The following TUBA1B variants were observed in gnomAD, a reference collection of about 807,000 sequenced individuals.
TUBA1B encodes the protein tubulin alpha 1b, also known as tubulin alpha-1B chain.
Under a neutral mutation model 34.4 loss-of-function variants are expected in TUBA1B, and 1 was observed. The observed-to-expected ratio is 0.03, with a 90% CI of 0.01 to 0.14. The LOEUF (loss-of-function observed/expected upper bound fraction) is 0.14. Among genes scored for constraint, TUBA1B ranks in the 10% least tolerant of loss-of-function variants. The probability of loss-of-function intolerance (pLI) is 1.00; values close to 1 mark genes in which losing one functional copy is unlikely to be tolerated. For missense variants in TUBA1B, 54 were observed against 583.6 expected, an observed-to-expected ratio of 0.09 and a Z score of 9.35; for synonymous variants, 197 against 212.5, an observed-to-expected ratio of 0.93 and a Z score of 0.64.
chr12:49,128,753 G>A lies in TUBA1B; in HGVS notation c.561C>T (p.Ser187=). The A allele has an allele frequency of 6.2e-7, 1 of 1,612,532 alleles. No homozygotes were observed. Among genetic ancestry groups the A allele is most frequent in the Non-Finnish European group, 8.5e-7 (1 of 1,179,506 alleles). ...VSTAVVEPYN[S]ILTTHTTLEH... is the part of the protein sequence containing the mutation. ...CCAGGGTGGTGTGGGTGGTGAGGAT[G>A]GAGTTGTAGGGCTCAACTACAGCTG... The change falls in exon 4 of 4, where the codon TCC becomes TCT. Residue 187 remains serine (S), a synonymous_variant. Transcript: ENST00000336023. This position sits in a 1 kb window ranked among gnomAD's most constrained non-coding sequence, Gnocchi z 8.1.
At chr12:49,130,288 C>A in intron 1 of TUBA1B, 1 of 1,289,226 alleles carries the variant, frequency 7.8e-7, no homozygotes, top group Non-Finnish European at 1.0e-6. Flanking sequence ...GCACAGGAAG[C>A]ACGTGGCCAG....
At position 49,131,383 on chromosome 12, in the gene TUBA1B, T is replaced by C. The variant is rs1317647591; in HGVS notation, c.-83A>G. ...GTCCCCGACAAGCTAAGAGTCGAGG[T>C]AAGTAACGCACTAGGGCGGGGCCGG... On this transcript the variant is annotated 5_prime_UTR_variant, in exon 1 of 4. Coordinates refer to ENST00000336023, the MANE Select transcript of TUBA1B (RefSeq NM_006082.3). 10 of 1,544,148 alleles carry C rather than the reference T, an allele frequency of 6.5e-6. No individual in the cohort carries two copies. Among genetic ancestry groups the C allele is most frequent in the Admixed American group, 3.6e-5 (2 of 55,468 alleles).
chr12:49,130,507 G>A, intron 1 of TUBA1B: 1 of 424,210 alleles, frequency 2.4e-6, no homozygotes, highest in South Asian at 1.8e-5. Flanking sequence ...ACAGCAGTCT[G>A]AGCGCAGTAG....
intron 1 of TUBA1B, chr12:49,130,135 G>A: frequency 8.3e-7 from 1 of 1,199,574 alleles, no homozygotes; most frequent in East Asian, 5.8e-5. Context: ...ATCCTAAACC[G>A]GGAAGGCCTC....
In TUBA1B at chr12:49,131,367, A is replaced by T. The variant is rs933292983; in HGVS notation, c.-67T>A. 6 of 1,588,916 alleles carry T rather than the reference A, an allele frequency of 3.8e-6. No homozygotes were observed. Among genetic ancestry groups the T allele is most frequent in the South Asian group, 1.1e-5 (1 of 88,750 alleles). On this transcript the variant is annotated 5_prime_UTR_variant, in exon 1 of 4. Coordinates refer to ENST00000336023, the MANE Select transcript of TUBA1B (RefSeq NM_006082.3). ...CCGGGTCCCGGTTACCGTCCCCGAC[A>T]AGCTAAGAGTCGAGGTAAGTAACGC...
In TUBA1B at chr12:49,128,971, T is replaced by C. The variant is rs1941771173; in HGVS notation, c.376-33A>G. On this transcript the variant is annotated intron_variant, in intron 3 of 3. Transcript: ENST00000336023. The surrounding 1 kb of genome is among the most constrained non-coding windows in gnomAD (Gnocchi z 8.1). The stretch of plus-strand genomic sequence containing the variant: ...GGAATAAAAAAATGTAATATTTTAA[T>C]GCCAGGACACATTATCTTAGAATTT... The C allele has an allele frequency of 2.6e-6, 4 of 1,565,444 alleles. No individual in the cohort carries two copies. The highest frequency in any genetic ancestry group is 1.2e-5 in the South Asian group (1 of 82,304).
In TUBA1B at chr12:49,130,480, CTCA is replaced by C; in HGVS notation, c.4-761_4-759del. The C allele has an allele frequency of 1.0e-5, 6 of 592,560 alleles. No individual in the cohort carries two copies. The African/African-American group carries it at 1.1e-4, about 11-fold the overall frequency. 36.7% of individuals were successfully genotyped at this position (592,560 alleles called of 1,614,324 possible). On this transcript the variant is annotated intron_variant, in intron 1 of 3. Coordinates refer to ENST00000336023, the MANE Select transcript of TUBA1B (RefSeq NM_006082.3). ...TCCTCCCTTGCCTGCCGGCATCGGGCTCAGCCTAACACCTCCACAGCAGTCTGA... is the reference window on the plus strand; with the variant it reads ...TCCTCCCTTGCCTGCCGGCATCGGGCGCCTAACACCTCCACAGCAGTCTGA...
chr12:49,131,004 GAC>G (rs1250036535), intron 1 of TUBA1B: 1 of 392,316 alleles, frequency 2.5e-6, no homozygotes, highest in South Asian at 3.1e-5. Context: ...CCGCACCCAG[GAC>G]ACAGTTACGC....
intron 1 of TUBA1B, 119 bp from the exon 2 acceptor site, chr12:49,129,841 G>A (rs938068421): frequency 2.7e-6 from 4 of 1,479,788 alleles, no homozygotes; most frequent in Non-Finnish European, 3.6e-6. Context: ...CCAGGCTTGA[G>A]TGCAGTGATG....
At chr12:49,129,954 A>T in intron 1 of TUBA1B, 2 of 1,032,534 alleles carry the variant, frequency 1.9e-6, no homozygotes, top group South Asian at 3.5e-5. Context: ...TAATTTTTTC[A>T]TTTTTTTTGT....
intron 3 of TUBA1B, 79 bp downstream of exon 3, chr12:49,129,163 G>T: frequency 6.2e-7 from 1 of 1,609,528 alleles, no homozygotes; most frequent in South Asian, 1.1e-5. Context: ...GCCAAAGAAT[G>T]AATGATGTCA....
chr12:49,131,043 G>A (rs1941800918), intron 1 of TUBA1B: 2 of 477,638 alleles, frequency 4.2e-6, no homozygotes, highest in South Asian at 5.1e-5. Flanking sequence ...GGATACGGCG[G>A]AGGGCAGCCC....
In TUBA1B at chr12:49,127,845, G is replaced by T. The variant is rs1196307330; in HGVS notation, c.*113C>A. The T allele has an allele frequency of 2.0e-6, 3 of 1,495,754 alleles. No individual in the cohort carries two copies. Among genetic ancestry groups the T allele is most frequent in the African/African-American group, 1.4e-5 (1 of 72,022 alleles). The allele number at this position is 1,495,754 out of a possible 1,614,324, so 92.7% of individuals were successfully genotyped here. On this transcript the variant is annotated 3_prime_UTR_variant, in exon 4 of 4. Transcript: ENST00000336023. ...AAATATTACAGGTACACATGGAAAA[G>T]ACATGATCACCAAGTGAAAACAATC...
At position 49,129,481 on chromosome 12, in the gene TUBA1B, G is replaced by C; in HGVS notation, c.226+19C>G. 1 of 1,614,066 alleles carries C rather than the reference G, an allele frequency of 6.2e-7. No individual in the cohort carries two copies. The highest frequency in any genetic ancestry group is 2.2e-5 in the East Asian group (1 of 44,874). On this transcript the variant is annotated intron_variant, in intron 2 of 3. Transcript: ENST00000336023. ...CTGTCCCAGCATCCTGGGATCTCAG[G>C]TTACTGAGGTCAACTCACCAATGAC...
intron 2 of TUBA1B, 27 bp downstream of exon 2, chr12:49,129,473 G>A (rs772991218): frequency 6.2e-7 from 1 of 1,613,788 alleles, no homozygotes; most frequent in Non-Finnish European, 8.5e-7. Context: ...AGCATCCTGG[G>A]ATCTCAGGTT....
At chr12:49,129,066 T>C in intron 3 of TUBA1B, 128 bp from the exon 4 acceptor site, 1 of 1,517,172 alleles carries the variant, frequency 6.6e-7, no homozygotes. Context: ...AAAACAGACA[T>C]ATCCACAAAC....
chr12:49,129,809 T>C (rs1941780624), intron 1 of TUBA1B, 87 bp from the exon 2 acceptor site: 1 of 1,578,988 alleles, frequency 6.3e-7, no homozygotes. Context: ...ATCTTTATTT[T>C]TTTAGAGATA....
chr12:49,130,389 G>GC (rs758586045), intron 1 of TUBA1B: 14 of 1,284,866 alleles, frequency 1.1e-5, no homozygotes, highest in Non-Finnish European at 1.3e-5. Flanking sequence ...GCGCTCTTGC[G>GC]CCCCCCGGCG....
In TUBA1B at chr12:49,129,399, G is replaced by T. The variant is rs10161356; in HGVS notation, c.227-9C>A. On this transcript the variant is annotated splice_polypyrimidine_tract_variant and intron_variant, in intron 2 of 3. Coordinates refer to ENST00000336023, the MANE Select transcript of TUBA1B (RefSeq NM_006082.3). ...GCCAGTGCGAACTTCATCTGGAGGAGGGAGAGAAGGACGGAGGGAGTGAGT... is the reference window on the plus strand; with the variant it reads ...GCCAGTGCGAACTTCATCTGGAGGATGGAGAGAAGGACGGAGGGAGTGAGT... 1.2e-6 allele frequency: 2 copies of T among 1,614,128 alleles called. No individual in the cohort carries two copies. The highest frequency in any genetic ancestry group is 1.7e-6 in the Non-Finnish European group (2 of 1,179,976).
Sources: allele counts gnomAD v4.1 joint callset, GRCh38; gene constraint gnomAD v4.1.1; non-coding constraint Gnocchi (gnomAD v3.1); transcripts MANE v1.5; gene names NCBI Gene and HGNC (gene_info 2026-07-23, HGNC 2026-07-21).